Variants in ITPK1 observed in about 807,000 individuals in gnomAD.
The protein encoded by ITPK1 is inositol-tetrakisphosphate 1-kinase.
ITPK1 carries 21 observed loss-of-function variants against 45.3 expected under a neutral mutation model. The observed-to-expected ratio is 0.46, with a 90% confidence interval of 0.33 to 0.67. The LOEUF is 0.67. Among genes scored for constraint, ITPK1 ranks in the 30% least tolerant of loss-of-function variants. The pLI is 0.02. For missense variants in ITPK1, 474 were observed against 573.5 expected, an observed-to-expected ratio of 0.83 and a Z score of 1.77; for synonymous variants, 258 against 253.6, an observed-to-expected ratio of 1.02 and a Z score of -0.16.
intron 9 of ITPK1, among the ~76,000 whole-genome samples, chr14:92,946,702 C>A (rs990755350): frequency 1.3e-5 from 2 of 152,250 alleles, no homozygotes; most frequent in East Asian, 3.9e-4. Context: ...AGGCTCATTA[C>A]CTCCTGTGGG....
intron 3 of ITPK1, among the ~76,000 whole-genome samples, chr14:93,021,923 T>C (rs1418464741): frequency 6.6e-6 from 1 of 152,108 alleles, no homozygotes; most frequent in Non-Finnish European, 1.5e-5. Context: ...TTCCAATTAC[T>C]CGGATAATGG....
intron 4 of ITPK1, among the ~76,000 whole-genome samples, chr14:92,995,328 C>T (rs1431647240): frequency 6.6e-6 from 1 of 152,228 alleles, no homozygotes; most frequent in Admixed American, 6.5e-5. Context: ...GCTGGGGAAA[C>T]ACACCCCAGT....
chr14:93,081,512 G>A (rs533363120), intron 2 of ITPK1, among the ~76,000 whole-genome samples: 5 of 152,232 alleles, frequency 3.3e-5, no homozygotes, highest in Admixed American at 1.3e-4. Flanking sequence ...GGGATGATCC[G>A]CTTTGCACAG....
chr14:93,105,045 T>A (rs551988966), intron 2 of ITPK1, among the ~76,000 whole-genome samples: 1 of 152,226 alleles, frequency 6.6e-6, no homozygotes, highest in South Asian at 2.1e-4. Context: ...AGGCAAGAAA[T>A]CTGAAAAGGC....
At chr14:92,983,353 A>G (rs747983603) in intron 5 of ITPK1, among the ~76,000 whole-genome samples, 1 of 152,190 alleles carries the variant, frequency 6.6e-6, no homozygotes, top group Admixed American at 6.5e-5. Context: ...AAATGTTTGG[A>G]GGGCTCTTTC....
chr14:92,982,741 A>G (rs1408635690), intron 5 of ITPK1, among the ~76,000 whole-genome samples: 1 of 152,234 alleles, frequency 6.6e-6, no homozygotes, highest in Non-Finnish European at 1.5e-5. Context: ...TAACACATCC[A>G]GCTACTATGA....
chr14:92,946,744 C>T (rs1887710876), intron 9 of ITPK1, among the ~76,000 whole-genome samples: 1 of 152,258 alleles, frequency 6.6e-6, no homozygotes, highest in Admixed American at 6.5e-5. Flanking sequence ...AGTGCCAGCA[C>T]TGCACATTAC....
intron 4 of ITPK1, among the ~76,000 whole-genome samples, chr14:93,000,826 C>T (rs1466058658): frequency 5.9e-5 from 9 of 151,670 alleles, no homozygotes; most frequent in African/African-American, 1.9e-4. Flanking sequence ...ACAAAAATTG[C>T]CGTGCATGGT....
chr14:93,060,351 A>T (rs1890465737), intron 3 of ITPK1, among the ~76,000 whole-genome samples: 1 of 152,174 alleles, frequency 6.6e-6, no homozygotes, highest in African/African-American at 2.4e-5. Context: ...CTCCCTGGCT[A>T]ATATGAAGAG....
chr14:93,026,704 T>G (rs1032183669), intron 3 of ITPK1, among the ~76,000 whole-genome samples: 14 of 152,088 alleles, frequency 9.2e-5, no homozygotes, highest in African/African-American at 3.4e-4. Flanking sequence ...AGTAACTAAA[T>G]AAAAGTCCAA....
At chr14:93,073,312 C>T (rs1891096850) in intron 3 of ITPK1, among the ~76,000 whole-genome samples, 1 of 152,198 alleles carries the variant, frequency 6.6e-6, no homozygotes, top group South Asian at 2.1e-4. Context: ...GGAGGAGGAA[C>T]GAGGTGAAGA....
At chr14:93,059,817 GGCAGGGGTGGAGGGGGTGAGGGTCCCGAA>G (rs1890438674) in intron 3 of ITPK1, among the ~76,000 whole-genome samples, 1 of 118,638 alleles carries the variant, frequency 8.4e-6, no homozygotes, top group African/African-American at 3.3e-5. Flanking sequence ...GGGGTCCCGA[GGCAGGGGTGGAGGGGGTGAGGGTCCCGAA>G]GCAGGAGTGG....
At chr14:93,054,153 A>G (rs992262989) in intron 3 of ITPK1, among the ~76,000 whole-genome samples, 17 of 152,240 alleles carry the variant, frequency 1.1e-4, no homozygotes, top group Non-Finnish European at 2.2e-4. Context: ...ACTTAGAGGT[A>G]GAGTCCCCAC....
rs778338972 is a variant in ITPK1, at chr14:93,016,718, G to A, written c.204C>T (p.Asp68=). ...HKLTDVILEA[D]QNDSQSLELV... is the part of the protein sequence containing the mutation. Reference sequence around the variant, plus strand: ...GCTCCAGGGACTGGCTATCATTCTGGTCGGCTTCAAGGATGACGTCAGTCA... The same window carrying A: ...GCTCCAGGGACTGGCTATCATTCTGATCGGCTTCAAGGATGACGTCAGTCA... Residue 68 remains aspartate (D), a synonymous_variant, in exon 4 of 11, where the codon GAC becomes GAT. Coordinates refer to ENST00000267615, the MANE Select transcript of ITPK1 (RefSeq NM_014216.6). This position sits in a 1 kb window ranked among gnomAD's most constrained non-coding sequence, Gnocchi z 5.0. 3.7e-6 allele frequency: 6 copies of A among 1,613,998 alleles called. No individual in the cohort carries two copies. In the South Asian group the frequency reaches 6.6e-5, roughly 18 times the overall value.
chr14:93,000,122 A>G (rs1471985693), intron 4 of ITPK1, among the ~76,000 whole-genome samples: 34 of 152,202 alleles, frequency 2.2e-4, no homozygotes, highest in Admixed American at 2.2e-3. Flanking sequence ...GGCATGGTGT[A>G]GTGTATTTTG....
intron 5 of ITPK1, among the ~76,000 whole-genome samples, chr14:92,991,406 T>C (rs3783913): frequency 0.51 from 76,658 of 151,760 alleles, 20,254 homozygotes; most frequent in East Asian, 0.76. Flanking sequence ...GTGCAACATT[T>C]ATGGCCCACC....
intron 3 of ITPK1, among the ~76,000 whole-genome samples, chr14:93,041,131 T>C (rs1301861466): frequency 6.6e-6 from 1 of 152,108 alleles, no homozygotes; most frequent in Non-Finnish European, 1.5e-5. Context: ...CCAGGCGCTG[T>C]CCTCAACCAT....
chr14:92,942,368 G>A lies in ITPK1; in HGVS notation c.902-464C>T, dbSNP rs533944927. Among the ~76,000 whole-genome samples, 56 of 152,286 alleles carry A rather than the reference G, an allele frequency of 3.7e-4. 1 individual carries two copies. Among genetic ancestry groups the A allele is most frequent in the African/African-American group, 5.5e-4 (23 of 41,554 alleles). On this transcript the variant is annotated intron_variant, in intron 10 of 10. Transcript: ENST00000267615. ...GGCCTCAGGCTGAGTCCCGGAGACC[G>A]CTTCCACCCTGAGCCTCAGCTTCCC...
intron 10 of ITPK1, among the ~76,000 whole-genome samples, chr14:92,945,964 C>T (rs1444628162): frequency 6.6e-6 from 1 of 152,218 alleles, no homozygotes; most frequent in African/African-American, 2.4e-5. Context: ...GCCTCAGTTT[C>T]CCAACATGTA....
Sources: allele counts gnomAD v4.1 joint callset (sites outside exome capture counted in the v4.1 genomes callset), GRCh38; gene constraint gnomAD v4.1.1; non-coding constraint Gnocchi (gnomAD v3.1); transcripts MANE v1.5; gene names NCBI Gene and HGNC (gene_info 2026-07-23, HGNC 2026-07-21).